SPOCK1: variants seen among roughly 807,000 people sequenced by gnomAD.
SPOCK1 encodes the protein testican-1.
SPOCK1 carries 23 observed loss-of-function variants against 55.3 expected under a neutral mutation model. The ratio of observed to expected loss-of-function variants is 0.42; its 90% CI spans 0.30 to 0.59. The LOEUF (loss-of-function observed/expected upper bound fraction) is 0.59. Ranked by LOEUF, SPOCK1 falls within the 20% of genes least tolerant of loss-of-function variation. SPOCK1 has a pLI of 0.22. For missense variants in SPOCK1, 499 were observed against 552.5 expected (o/e 0.90, Z 0.97); for synonymous variants, 226 against 221.0 (o/e 1.02, Z -0.20).
intron 6 of SPOCK1, among the ~76,000 whole-genome samples, chr5:137,006,108 C>A (rs746852055): frequency 6.6e-6 from 1 of 152,162 alleles, no homozygotes; most frequent in African/African-American, 2.4e-5. Context: ...GTTACTGAAG[C>A]CTTGTAGTAT....
chr5:137,233,794 G>T (rs1252036716), intron 3 of SPOCK1, among the ~76,000 whole-genome samples: 8 of 138,002 alleles, frequency 5.8e-5, no homozygotes, highest in Non-Finnish European at 9.1e-5. Context: ...ATTCTAGGAG[G>T]CTGTATTTCC....
intron 3 of SPOCK1, among the ~76,000 whole-genome samples, chr5:137,236,164 T>C (rs1457086832): frequency 2.0e-5 from 3 of 152,250 alleles, no homozygotes; most frequent in African/African-American, 7.2e-5. Flanking sequence ...CCACCTTCCA[T>C]GACTATCTGG....
chr5:137,413,848 G>C (rs1752273407), intron 2 of SPOCK1, among the ~76,000 whole-genome samples: 1 of 152,114 alleles, frequency 6.6e-6, no homozygotes, highest in Non-Finnish European at 1.5e-5. Flanking sequence ...TCAACAACTA[G>C]TTTGTCTATC....
chr5:137,044,515 G>A (rs78340447), intron 6 of SPOCK1, among the ~76,000 whole-genome samples: 5,307 of 152,132 alleles, frequency 0.035, 210 homozygotes, highest in East Asian at 0.13. Context: ...TTTAAAAGGC[G>A]TATTTTTTTG....
At chr5:137,452,561 C>T (rs1251032915) in intron 2 of SPOCK1, among the ~76,000 whole-genome samples, 2 of 152,186 alleles carry the variant, frequency 1.3e-5, no homozygotes, top group South Asian at 4.1e-4. Context: ...ATGTGTCTAA[C>T]AGACATCCTA....
intron 5 of SPOCK1, among the ~76,000 whole-genome samples, chr5:137,074,974 A>T (rs2044296076): frequency 6.6e-6 from 1 of 152,066 alleles, no homozygotes. Context: ...AAGTGCTGGG[A>T]TTACAGGCGT....
intron 2 of SPOCK1, among the ~76,000 whole-genome samples, chr5:137,333,750 T>A (rs902871642): frequency 6.6e-6 from 1 of 152,160 alleles, no homozygotes; most frequent in Non-Finnish European, 1.5e-5. Flanking sequence ...AAGCCGAGAA[T>A]TTACATTTCT....
At chr5:136,986,772 CAAAATTAA>C (rs1750850735) in intron 8 of SPOCK1, among the ~76,000 whole-genome samples, 1 of 151,990 alleles carries the variant, frequency 6.6e-6, no homozygotes, top group South Asian at 2.1e-4. Flanking sequence ...AACAAAATTT[CAAAATTAA>C]CACCATGGGT....
chr5:137,385,536 G>T (rs1397403981), intron 2 of SPOCK1, among the ~76,000 whole-genome samples: 1 of 152,208 alleles, frequency 6.6e-6, no homozygotes, highest in East Asian at 1.9e-4. Context: ...TATTGTGCTT[G>T]GGAATTGTTT....
chr5:137,174,896 G>C (rs1304852756), intron 3 of SPOCK1, among the ~76,000 whole-genome samples: 1 of 152,076 alleles, frequency 6.6e-6, no homozygotes, highest in Non-Finnish European at 1.5e-5. Context: ...ATGCCCCATG[G>C]AGCACCCCTC....
At chr5:137,329,315 G>C (rs1758130678) in intron 2 of SPOCK1, among the ~76,000 whole-genome samples, 1 of 151,800 alleles carries the variant, frequency 6.6e-6, no homozygotes, top group African/African-American at 2.4e-5. Flanking sequence ...TCTCCTGCTT[G>C]CTCAATCTCC....
chr5:137,019,682 T>A (rs183926659), intron 6 of SPOCK1, among the ~76,000 whole-genome samples: 6 of 151,960 alleles, frequency 3.9e-5, no homozygotes, highest in Non-Finnish European at 8.8e-5. Flanking sequence ...AAACAAAAAA[T>A]AGATATTTTG....
At chr5:137,357,508 T>C (rs1750843020) in intron 2 of SPOCK1, among the ~76,000 whole-genome samples, 1 of 152,128 alleles carries the variant, frequency 6.6e-6, no homozygotes, top group Non-Finnish European at 1.5e-5. Flanking sequence ...TCAGCTCTGC[T>C]TGTGGAAGGA....
chr5:137,267,900 A>G (rs1756889530), intron 2 of SPOCK1, among the ~76,000 whole-genome samples: 1 of 152,210 alleles, frequency 6.6e-6, no homozygotes, highest in African/African-American at 2.4e-5. Context: ...GGTGTCACCC[A>G]TGCACATTAT....
At chr5:137,195,057 A>G (rs544434149) in intron 3 of SPOCK1, among the ~76,000 whole-genome samples, 2 of 152,270 alleles carry the variant, frequency 1.3e-5, no homozygotes, top group East Asian at 3.9e-4. Context: ...CAGGCCCCCA[A>G]TCCCTAATTA....
chr5:137,350,933 A>G (rs139386236), intron 2 of SPOCK1, among the ~76,000 whole-genome samples: 3 of 152,254 alleles, frequency 2.0e-5, no homozygotes, highest in East Asian at 3.9e-4. Flanking sequence ...TTTTATCAAC[A>G]TACATGCTTC....
At chr5:137,297,048 CAT>C (rs1182689305) in intron 2 of SPOCK1, among the ~76,000 whole-genome samples, 6 of 152,146 alleles carry the variant, frequency 3.9e-5, no homozygotes, top group African/African-American at 1.4e-4. Context: ...GCAATAGATA[CAT>C]ATGTGTATAT....
intron 3 of SPOCK1, among the ~76,000 whole-genome samples, chr5:137,169,926 C>G (rs958094742): frequency 3.9e-5 from 6 of 152,134 alleles, no homozygotes; most frequent in African/African-American, 1.4e-4. Flanking sequence ...TGGCAGAAAG[C>G]CACAAATAAA....
At chr5:137,370,713 G>A (rs1315194138) in intron 2 of SPOCK1, among the ~76,000 whole-genome samples, 1 of 152,228 alleles carries the variant, frequency 6.6e-6, no homozygotes, top group Non-Finnish European at 1.5e-5. Context: ...TCTGACACAT[G>A]CAATCATTAG....
Sources: allele counts gnomAD v4.1 joint callset (sites outside exome capture counted in the v4.1 genomes callset), GRCh38; gene constraint gnomAD v4.1.1; transcripts MANE v1.5; gene names NCBI Gene and HGNC (gene_info 2026-07-23, HGNC 2026-07-21).